MERTK: variants seen among roughly 807,000 people sequenced by gnomAD.
MERTK encodes the protein MER proto-oncogene, tyrosine kinase, also known as tyrosine-protein kinase Mer.
MERTK carries 69 observed loss-of-function variants against 99.3 expected under a neutral mutation model. The observed-to-expected ratio is 0.70, with a 90% CI of 0.57 to 0.85. MERTK has a LOEUF of 0.85. Ranked by LOEUF, MERTK falls within the 40% of genes least tolerant of loss-of-function variation. The pLI is 0.00. For missense variants in MERTK, 1,125 were observed against 1,249.4 expected, an observed-to-expected ratio of 0.90 and a Z score of 1.50; for synonymous variants, 426 against 467.6, an observed-to-expected ratio of 0.91 and a Z score of 1.15.
Position 112,010,076 on chromosome 2 carries a change from T to G in MERTK, c.2079+10T>G. 1 of 1,568,244 alleles carries G rather than the reference T, an allele frequency of 6.4e-7. No individual in the cohort carries two copies. The highest frequency in any genetic ancestry group is 1.1e-5 in the South Asian group (1 of 89,158). On this transcript the variant is annotated intron_variant, in intron 15 of 18. Coordinates refer to ENST00000295408, the MANE Select transcript of MERTK (RefSeq NM_006343.3). ...GGAGACAGGACCAAAGGTAATGATC[T>G]CCTTGTGTTACCCCTGAACACTTCT... is the stretch of plus-strand genomic sequence containing the variant.
rs1352808787 is a variant in MERTK at position 111,995,011 on chromosome 2, TAGAC to T, written c.1450+610_1450+613del. ...ATGTATACTGTACATGACTGAATTT[TAGAC>T]AGGCAATATAGCTAACCCTTAGCTG... On this transcript the variant is annotated intron_variant, in intron 9 of 18. Coordinates refer to ENST00000295408, the MANE Select transcript of MERTK (RefSeq NM_006343.3). The T allele has an allele frequency of 2.3e-5, 4 of 170,492 alleles. No homozygotes were observed. The East Asian group carries it at 6.5e-4, about 28-fold the overall frequency. The allele number at this position is 170,492 out of a possible 1,614,324, so 10.6% of individuals were successfully genotyped here.
chr2:111,982,606 T>G (rs1676394713), intron 7 of MERTK, among the ~76,000 whole-genome samples: 1 of 152,184 alleles, frequency 6.6e-6, no homozygotes, highest in Non-Finnish European at 1.5e-5. Context: ...GCTGATATTT[T>G]CAACTTAAGA....
Position 112,008,346 on chromosome 2 carries a change from A to C in MERTK, c.1868-37A>C, listed in dbSNP as rs1418210841. On this transcript the variant is annotated intron_variant, in intron 13 of 18. Transcript: ENST00000295408. ...CCACCCACTCCCCTTAATTGAGTAA[A>C]TTATCCATACTTAACCTTTTCTATT... The C allele has an allele frequency of 3.3e-6, 5 of 1,525,560 alleles. No homozygotes were observed. In the East Asian group the frequency reaches 1.1e-4, roughly 34 times the overall value. 94.5% of individuals were successfully genotyped at this position (1,525,560 alleles called of 1,614,324 possible). A position where few individuals can be genotyped will look rare whatever the true frequency, so the allele number is the denominator to read the frequency against.
chr2:111,969,541 C>T (rs1345278066), intron 6 of MERTK, among the ~76,000 whole-genome samples: 1 of 152,156 alleles, frequency 6.6e-6, no homozygotes, highest in African/African-American at 2.4e-5. Flanking sequence ...TTTGTGTTGA[C>T]AACTAGATGT....
intron 11 of MERTK, among the ~76,000 whole-genome samples, chr2:112,002,163 T>C (rs1041199230): frequency 6.6e-6 from 1 of 152,096 alleles, no homozygotes; most frequent in Non-Finnish European, 1.5e-5. Context: ...GGTCCCCTTC[T>C]GGTTAATTTC....
chr2:111,936,212 G>A (rs374178627), intron 2 of MERTK, among the ~76,000 whole-genome samples: 13 of 151,964 alleles, frequency 8.6e-5, no homozygotes, highest in East Asian at 1.9e-4. Flanking sequence ...CACTGCGCCC[G>A]GCAAGTCTTC....
intron 4 of MERTK, among the ~76,000 whole-genome samples, chr2:111,961,309 C>T (rs894869342): frequency 4.6e-5 from 7 of 151,510 alleles, no homozygotes; most frequent in African/African-American, 1.2e-4. Context: ...TACAGGCGCC[C>T]GCCACAACGC....
chr2:111,967,293 T>G (rs1367626677), intron 5 of MERTK, among the ~76,000 whole-genome samples: 1 of 152,214 alleles, frequency 6.6e-6, no homozygotes, highest in Non-Finnish European at 1.5e-5. Context: ...TGAATGTGGA[T>G]TGTAAGACTA....
intron 15 of MERTK, among the ~76,000 whole-genome samples, chr2:112,018,890 A>G (rs1191656158): frequency 6.6e-6 from 1 of 152,186 alleles, no homozygotes; most frequent in Non-Finnish European, 1.5e-5. Context: ...GACTCTCCTA[A>G]TTTCTGTTTA....
chr2:111,921,135 G>A (rs146495134), intron 1 of MERTK, among the ~76,000 whole-genome samples: 16 of 152,280 alleles, frequency 1.1e-4, no homozygotes, highest in African/African-American at 3.9e-4. Context: ...AGCCTGGTGT[G>A]TGCACACAGA....
At position 111,979,842 on chromosome 2, in the gene MERTK, T is replaced by C. The variant is rs193048032; in HGVS notation, c.1145-3000T>C. ...TTTGTTTGTTTGTCTTTAGTCTCCCTAGTTCCCTACACTAGCTTTGTCTCC... is the reference window on the plus strand; with the variant it reads ...TTTGTTTGTTTGTCTTTAGTCTCCCCAGTTCCCTACACTAGCTTTGTCTCC... On this transcript the variant is annotated intron_variant, in intron 7 of 18. Transcript: ENST00000295408. Among the ~76,000 whole-genome samples, 347 of 152,342 alleles carry C rather than the reference T, an allele frequency of 2.3e-3. 1 individual carries two copies. Among genetic ancestry groups the C allele is most frequent in the Non-Finnish European group, 4.2e-3 (288 of 68,026 alleles).
intron 10 of MERTK, among the ~76,000 whole-genome samples, chr2:111,998,271 T>C (rs564273426): frequency 2.0e-5 from 3 of 152,352 alleles, no homozygotes; most frequent in African/African-American, 7.2e-5. Context: ...TTTAAAGAAG[T>C]GGACAAAATC....
At chr2:111,982,233 T>C (rs1001815973) in intron 7 of MERTK, among the ~76,000 whole-genome samples, 2 of 152,040 alleles carry the variant, frequency 1.3e-5, no homozygotes, top group Non-Finnish European at 2.9e-5. Context: ...ATTTTTTATT[T>C]TTAGTGGTGA....
chr2:112,006,174 G>C (rs965127586), intron 13 of MERTK, among the ~76,000 whole-genome samples: 1 of 152,102 alleles, frequency 6.6e-6, no homozygotes, highest in East Asian at 1.9e-4. Flanking sequence ...GAGCTACCAC[G>C]CCTGGCCTGG....
chr2:111,916,753 T>C (rs1684358300), intron 1 of MERTK, among the ~76,000 whole-genome samples: 2 of 152,196 alleles, frequency 1.3e-5, no homozygotes, highest in South Asian at 4.1e-4. Flanking sequence ...TTTATTTATT[T>C]ATTTTTTTGG....
intron 15 of MERTK, among the ~76,000 whole-genome samples, chr2:112,012,089 G>A (rs571560139): frequency 5.1e-4 from 78 of 152,340 alleles, no homozygotes; most frequent in African/African-American, 1.8e-3. Context: ...CATGGTGGCA[G>A]GGCCAGGACT....
chr2:111,937,537 C>G (rs948717679), intron 2 of MERTK, among the ~76,000 whole-genome samples: 1 of 152,188 alleles, frequency 6.6e-6, no homozygotes, highest in Non-Finnish European at 1.5e-5. Context: ...CATGCAGGCT[C>G]CTGGTACTGT....
intron 1 of MERTK, chr2:111,912,868 G>T: frequency 5.2e-6 from 1 of 193,222 alleles, no homozygotes; most frequent in Non-Finnish European, 9.5e-6. Flanking sequence ...TATGTGGACT[G>T]CAAGGTTAGG....
intron 5 of MERTK, 29 bp from the exon 6 acceptor site, chr2:111,968,108 T>TGTGTGC (rs1491363555): frequency 8.5e-7 from 1 of 1,177,278 alleles, no homozygotes; most frequent in Non-Finnish European, 1.2e-6. Flanking sequence ...TGTGTGTGTA[T>TGTGTGC]GTGTGTGTGT....
Sources: gnomAD v4.1 joint callset for allele counts (sites outside exome capture counted in the v4.1 genomes callset) on GRCh38, gnomAD v4.1.1 for gene constraint, MANE v1.5 for transcripts, NCBI Gene and HGNC (gene_info 2026-07-23, HGNC 2026-07-21) for gene names.